CHRDL1: variants seen among roughly 807,000 people sequenced by gnomAD.
The protein encoded by CHRDL1 is chordin-like protein 1.
Under a neutral mutation model 40.9 loss-of-function variants are expected in CHRDL1, and 19 were observed. The observed-to-expected ratio is 0.46, with a 90% CI of 0.32 to 0.68. CHRDL1 has a LOEUF of 0.68. CHRDL1 is among the 30% of genes least tolerant of loss of function. The pLI, the probability that CHRDL1 is intolerant of heterozygous loss-of-function variation, is 0.03. For synonymous variants in CHRDL1, 136 were observed against 123.4 expected (o/e 1.10, Z -0.68); for missense variants, 329 against 352.1 (o/e 0.93, Z 0.53).
chrX:110,788,082 G>A (rs2090044420), intron 2 of CHRDL1, among the ~76,000 whole-genome samples: 1 of 112,345 alleles, frequency 8.9e-6, no homozygotes, highest in South Asian at 3.7e-4. Context: ...TAACAACAGA[G>A]CATAATGGAG....
At chrX:110,693,884 G>T (rs377566638) in intron 8 of CHRDL1, among the ~76,000 whole-genome samples, 1 of 111,497 alleles carries the variant, frequency 9.0e-6, no homozygotes, top group Admixed American at 9.5e-5. Context: ...AAAGACCCAA[G>T]AAATTTTCCC....
At chrX:110,697,121 C>G (rs193136933) in intron 7 of CHRDL1, among the ~76,000 whole-genome samples, 1 of 111,060 alleles carries the variant, frequency 9.0e-6, no homozygotes, top group Non-Finnish European at 1.9e-5. Context: ...TAGCTATGAT[C>G]TTTTATTTTG....
chrX:110,686,616 A>G (rs2070021623), intron 9 of CHRDL1, among the ~76,000 whole-genome samples: 1 of 110,773 alleles, frequency 9.0e-6, no homozygotes, highest in Admixed American at 9.6e-5. Context: ...CCGGATGTCC[A>G]TATCATCCTT....
At chrX:110,778,149 C>T (rs1350042953) in intron 2 of CHRDL1, among the ~76,000 whole-genome samples, 1 of 111,209 alleles carries the variant, frequency 9.0e-6, no homozygotes, top group Non-Finnish European at 1.9e-5. Context: ...ACTATAAAAA[C>T]CCTGGAAGAT....
rs114370713 is a variant in CHRDL1, at chrX:110,750,229, G to T, written c.301+9432C>A. Reference sequence around the variant, plus strand: ...TAAGAGTTAATTTACTACCTTCAAAGATTGGTGAATTTATCAGGACAAGGC... The same window carrying T: ...TAAGAGTTAATTTACTACCTTCAAATATTGGTGAATTTATCAGGACAAGGC... On this transcript the variant is annotated intron_variant, in intron 4 of 11. Coordinates refer to ENST00000372042, the MANE Select transcript of CHRDL1 (RefSeq NM_001143981.2). Among the ~76,000 whole-genome samples the T allele has an allele frequency of 3.6e-3, 400 of 112,071 alleles. 3 individuals are homozygous for T. Among genetic ancestry groups the T allele is most frequent in the African/African-American group, 0.012 (376 of 30,833 alleles).
At chrX:110,743,490 A>G (rs766129568) in intron 4 of CHRDL1, among the ~76,000 whole-genome samples, 1 of 112,056 alleles carries the variant, frequency 8.9e-6, no homozygotes, top group South Asian at 3.8e-4. Flanking sequence ...TAATCCCAGA[A>G]TTCAGGCATC....
intron 7 of CHRDL1, among the ~76,000 whole-genome samples, chrX:110,699,884 T>C (rs2070476497): frequency 8.9e-6 from 1 of 112,609 alleles, no homozygotes. Flanking sequence ...TGAATGTCCT[T>C]GCATACTTTT....
intron 8 of CHRDL1, among the ~76,000 whole-genome samples, chrX:110,690,969 G>A (rs770706136): frequency 6.3e-4 from 70 of 110,857 alleles, no homozygotes; most frequent in Non-Finnish European, 1.2e-3. Flanking sequence ...CAACACTTTG[G>A]GAGGCCGAGG....
chrX:110,727,496 T>G (rs776069641), intron 4 of CHRDL1, among the ~76,000 whole-genome samples: 2 of 112,345 alleles, frequency 1.8e-5, no homozygotes, highest in Non-Finnish European at 3.8e-5. Context: ...AAATCCTATT[T>G]GTCCCTAATA....
chrX:110,711,159 G>T (rs1222178674), intron 6 of CHRDL1, among the ~76,000 whole-genome samples: 1 of 111,767 alleles, frequency 8.9e-6, no homozygotes, highest in Non-Finnish European at 1.9e-5. Flanking sequence ...TACTTTTAAC[G>T]TGTTTTTAAA....
intron 9 of CHRDL1, among the ~76,000 whole-genome samples, chrX:110,686,783 G>A (rs1479676543): frequency 3.7e-5 from 4 of 107,735 alleles, no homozygotes; most frequent in Non-Finnish European, 7.7e-5. Context: ...AGGCTGAGGC[G>A]GGAGAATAAC....
At chrX:110,773,034 C>T (rs1308031373) in intron 2 of CHRDL1, among the ~76,000 whole-genome samples, 1 of 112,431 alleles carries the variant, frequency 8.9e-6, no homozygotes, top group Non-Finnish European at 1.9e-5. Flanking sequence ...CATAAAAGCA[C>T]TCTATTTTGC....
chrX:110,685,034 C>T (rs1035682928), intron 9 of CHRDL1, among the ~76,000 whole-genome samples: 7 of 112,104 alleles, frequency 6.2e-5, no homozygotes, highest in Admixed American at 3.8e-4. Flanking sequence ...ATACTGCCAA[C>T]TGGGATACTG....
chrX:110,685,978 C>T (rs1200750963), intron 9 of CHRDL1, among the ~76,000 whole-genome samples: 4 of 105,784 alleles, frequency 3.8e-5, no homozygotes, highest in African/African-American at 1.4e-4. Context: ...AGCCATTGCT[C>T]CCAGGCAATG....
chrX:110,691,740 T>C (rs1039804399), intron 8 of CHRDL1, among the ~76,000 whole-genome samples: 1 of 111,735 alleles, frequency 8.9e-6, no homozygotes, highest in Non-Finnish European at 1.9e-5. Flanking sequence ...TTGCAAGAGC[T>C]GCTAGAATAC....
At chrX:110,780,140 C>A (rs753115595) in intron 2 of CHRDL1, among the ~76,000 whole-genome samples, 11 of 110,864 alleles carry the variant, frequency 9.9e-5, no homozygotes, top group African/African-American at 3.6e-4. Context: ...AAAGGTAATA[C>A]TGTTTTTTCC....
intron 9 of CHRDL1, among the ~76,000 whole-genome samples, chrX:110,684,209 A>G (rs1454568874): frequency 8.9e-6 from 1 of 112,338 alleles, no homozygotes; most frequent in Non-Finnish European, 1.9e-5. Flanking sequence ...TGAAACTCAC[A>G]TCTTTAATAT....
At chrX:110,721,977 T>C (rs2070965083) in intron 4 of CHRDL1, among the ~76,000 whole-genome samples, 1 of 112,087 alleles carries the variant, frequency 8.9e-6, no homozygotes, top group Admixed American at 9.4e-5. Flanking sequence ...TCTATTATAC[T>C]GCCCTGGTAA....
At chrX:110,701,064 A>T (rs972922) in intron 6 of CHRDL1, among the ~76,000 whole-genome samples, 8,886 of 111,733 alleles carry the variant, frequency 0.08, 858 homozygotes, top group African/African-American at 0.28. Context: ...GCAGGTCATA[A>T]TTCACTTCTG....
Sources: gnomAD v4.1 joint callset for allele counts (sites outside exome capture counted in the v4.1 genomes callset) on GRCh38, gnomAD v4.1.1 for gene constraint, MANE v1.5 for transcripts, NCBI Gene and HGNC (gene_info 2026-07-23, HGNC 2026-07-21) for gene names.